Variants in AASS observed in about 807,000 individuals in gnomAD.
AASS encodes aminoadipate-semialdehyde synthase, also known as alpha-aminoadipic semialdehyde synthase, mitochondrial.
In AASS, 86 loss-of-function variants were observed where a neutral mutation model predicts 105.4. The observed-to-expected ratio is 0.82, with a 90% confidence interval of 0.69 to 0.98. The LOEUF is 0.98. Among genes scored for constraint, AASS ranks in the 50% least tolerant of loss-of-function variants. AASS has a pLI of 0.00. For missense variants in AASS, 1,048 were observed against 1,143.2 expected, an observed-to-expected ratio of 0.92 and a Z score of 1.20; for synonymous variants, 381 against 394.8, an observed-to-expected ratio of 0.96 and a Z score of 0.41.
chr7:122,085,380 C>CAT (rs1793571463), intron 19 of AASS, among the ~76,000 whole-genome samples: 1 of 152,050 alleles, frequency 6.6e-6, no homozygotes, highest in South Asian at 2.1e-4. Flanking sequence ...GTGTAGTGGA[C>CAT]ATTTGCATTA....
chr7:122,084,818 A>C (rs1402437286), intron 19 of AASS, among the ~76,000 whole-genome samples: 3 of 152,026 alleles, frequency 2.0e-5, no homozygotes, highest in Non-Finnish European at 4.4e-5. Flanking sequence ...AGAGAATACT[A>C]GATAACACAC....
At chr7:122,113,317 T>A in intron 10 of AASS, 88 bp from the exon 11 acceptor site, 1 of 1,197,106 alleles carries the variant, frequency 8.4e-7, no homozygotes, top group Non-Finnish European at 1.2e-6. Context: ...CTATATTTGC[T>A]TCATTATCAT....
chr7:122,127,111 T>G (rs1018628093), intron 3 of AASS, among the ~76,000 whole-genome samples: 2 of 152,126 alleles, frequency 1.3e-5, no homozygotes, highest in African/African-American at 4.8e-5. Flanking sequence ...ACCTTCCTAT[T>G]AAAAGTAGTA....
rs1304206340 is a variant in AASS, at chr7:122,075,375, C to G, written c.*1114G>C. 6.6e-6 allele frequency among the ~76,000 whole-genome samples: 1 copy of G among 152,184 alleles called. No individual in the cohort carries two copies. The highest frequency in any genetic ancestry group is 1.5e-5 in the Non-Finnish European group (1 of 68,038). On this transcript the variant is annotated 3_prime_UTR_variant, in exon 24 of 24. Coordinates refer to ENST00000417368, the MANE Select transcript of AASS (RefSeq NM_005763.4). ...AAAACCACCATATCGTCTCCCATCT[C>G]TATTTAGTTATACTTCTTCCTTTCC...
intron 1 of AASS, 133 bp from the exon 2 acceptor site, chr7:122,133,874 G>A: frequency 1.3e-6 from 1 of 787,628 alleles, no homozygotes; most frequent in Admixed American, 2.2e-5. Context: ...GAAGAGGGAA[G>A]GGAAAACTGG....
intron 1 of AASS, among the ~76,000 whole-genome samples, chr7:122,137,120 A>T (rs1043283711): frequency 4.6e-5 from 7 of 152,254 alleles, no homozygotes; most frequent in Non-Finnish European, 2.9e-5. Flanking sequence ...CAAATGTAAC[A>T]GTAGTTACCA....
rs1185783650 is a variant in AASS at position 122,126,417 on chromosome 7, C to A, written c.430G>T (p.Gly144Ter). 1.2e-6 allele frequency: 2 copies of A among 1,613,922 alleles called. No individual in the cohort carries two copies. Among genetic ancestry groups the A allele is most frequent in the Non-Finnish European group, 1.7e-6 (2 of 1,179,940 alleles). The change falls in exon 4 of 24, where the codon GGA becomes TGA. Residue 144 changes from glycine (G) to a stop codon, truncating the protein, a stop_gained. Transcript: ENST00000417368. LOFTEE classifies it high-confidence loss of function. ...IDYEKMVDHR[G>*]VRVVAFGQWA... is the part of the protein sequence containing the mutation. ...TGTCCAAATGCCACTACCCGTACTC[C>A]TCTATGATCCACCATTTTCTCATAA...
At chr7:122,109,441 T>A (rs979974429) in intron 11 of AASS, among the ~76,000 whole-genome samples, 12 of 151,928 alleles carry the variant, frequency 7.9e-5, no homozygotes, top group Non-Finnish European at 1.8e-4. Flanking sequence ...GGTACTGGCA[T>A]AACAGCAGAC....
chr7:122,099,017 A>T, intron 13 of AASS, 151 bp from the exon 14 acceptor site: 1 of 845,262 alleles, frequency 1.2e-6, no homozygotes, highest in East Asian at 2.8e-5. Flanking sequence ...AAGAATTTCA[A>T]CATGAATGAG....
In AASS at chr7:122,078,907, T is replaced by A; in HGVS notation, c.2440A>T (p.Ile814Phe). 6.2e-7 allele frequency: 1 copy of A among 1,614,148 alleles called. No homozygotes were observed. The highest frequency in any genetic ancestry group is 8.5e-7 in the Non-Finnish European group (1 of 1,180,028). Reference protein sequence around the residue: ...GDEQVPQAESILDALSKHLVM... With the variant: ...GDEQVPQAESFLDALSKHLVM... Reference sequence around the variant, plus strand: ...AAATGCTTGGAGAGGGCATCCAGAATGGACTCTGCCTGAGGAACTTGTTCA... The same window carrying A: ...AAATGCTTGGAGAGGGCATCCAGAAAGGACTCTGCCTGAGGAACTTGTTCA... Residue 814 changes from isoleucine (I) to phenylalanine (F), a missense_variant, in exon 22 of 24, where the codon ATT becomes TTT. Physicochemically the swap from Ile to Phe is conservative, Grantham distance 21. Coordinates refer to ENST00000417368, the MANE Select transcript of AASS (RefSeq NM_005763.4).
chr7:122,096,948 A>G (rs1794181514), intron 15 of AASS, among the ~76,000 whole-genome samples: 1 of 152,098 alleles, frequency 6.6e-6, no homozygotes, highest in Admixed American at 6.6e-5. Flanking sequence ...TGTTCTACTC[A>G]GAAGGCTAGA....
intron 20 of AASS, 70 bp downstream of exon 20, chr7:122,081,430 G>T: frequency 8.2e-7 from 1 of 1,214,418 alleles, no homozygotes; most frequent in Non-Finnish European, 1.2e-6. Flanking sequence ...CCAAAGCAGA[G>T]TTCACCCCCG....
intron 2 of AASS, among the ~76,000 whole-genome samples, chr7:122,131,620 A>G (rs1397371754): frequency 1.3e-5 from 2 of 151,824 alleles, no homozygotes; most frequent in Non-Finnish European, 2.9e-5. Flanking sequence ...TAAATAATAT[A>G]TATATATATG....
At chr7:122,113,279 GTTCTGA>G (rs765759058) in intron 10 of AASS, 50 bp from the exon 11 acceptor site, 4 of 1,523,414 alleles carry the variant, frequency 2.6e-6, no homozygotes, top group Non-Finnish European at 3.6e-6. Flanking sequence ...TTATTTGTAA[GTTCTGA>G]CTTTTCCAGA....
chr7:122,101,610 TCATAACTTAC>T lies in AASS; in HGVS notation c.1338+1_1338+10del. ...ATACATTTATGAAAAAATATTCTGC[TCATAACTTAC>T]ATCTCTCACCACAGGAGAAAAATTC... On this transcript the variant is annotated splice_donor_variant and splice_donor_5th_base_variant and intron_variant, in intron 12 of 23. Transcript: ENST00000417368. LOFTEE classifies it high-confidence loss of function. 1 of 1,606,344 alleles carries T rather than the reference TCATAACTTAC, an allele frequency of 6.2e-7. No homozygotes were observed. Among genetic ancestry groups the T allele is most frequent in the Non-Finnish European group, 8.5e-7 (1 of 1,173,718 alleles).
chr7:122,142,510 T>C (rs1189406248), intron 1 of AASS, among the ~76,000 whole-genome samples: 1 of 152,312 alleles, frequency 6.6e-6, no homozygotes, highest in African/African-American at 2.4e-5. Context: ...ATGTTCAAGA[T>C]AAATAAATTA....
At position 122,077,913 on chromosome 7, in the gene AASS, C is replaced by T; in HGVS notation, c.2587G>A (p.Asp863Asn). The T allele has an allele frequency of 6.2e-7, 1 of 1,614,166 alleles. No individual in the cohort carries two copies. The highest frequency in any genetic ancestry group is 8.5e-7 in the Non-Finnish European group (1 of 1,180,014). ...GCCATGGCTGAAAAGCCATTGATGT[C>T]CCCATAAGCCACAAGATCAATCGTT... ...HKTIDLVAYG[D>N]INGFSAMAKT... The change falls in exon 23 of 24, where the codon GAC (aspartate) becomes AAC (asparagine). Residue 863 changes from aspartate to asparagine, a missense_variant. Physicochemically the swap from Asp to Asn is conservative, Grantham distance 23. Coordinates refer to ENST00000417368, the MANE Select transcript of AASS (RefSeq NM_005763.4).
chr7:122,133,743 TG>T lies in AASS; in HGVS notation c.-15-3del. 2 of 1,613,136 alleles carry T rather than the reference TG, an allele frequency of 1.2e-6. No individual in the cohort carries two copies. Among genetic ancestry groups the T allele is most frequent in the Non-Finnish European group, 1.7e-6 (2 of 1,179,348 alleles). On this transcript the variant is annotated splice_region_variant and splice_polypyrimidine_tract_variant and intron_variant, in intron 1 of 23. Transcript: ENST00000417368. ...TTGCAGCATCTTGACACCTGGTGACTGTAAAGACAATGTAAAGAGCAGAGCA... is the reference window on the plus strand; with the variant it reads ...TTGCAGCATCTTGACACCTGGTGACTTAAAGACAATGTAAAGAGCAGAGCA...
At chr7:122,114,825 TG>T (rs974243779) in intron 9 of AASS, among the ~76,000 whole-genome samples, 4 of 152,202 alleles carry the variant, frequency 2.6e-5, no homozygotes, top group Admixed American at 1.3e-4. Flanking sequence ...GAGGTCTGCT[TG>T]GGGTCCAGAG....
Sources: allele counts gnomAD v4.1 joint callset (sites outside exome capture counted in the v4.1 genomes callset), GRCh38; gene constraint gnomAD v4.1.1; transcripts MANE v1.5; gene names NCBI Gene and HGNC (gene_info 2026-07-23, HGNC 2026-07-21).